Variants in MPRIP observed in about 807,000 individuals in gnomAD.
MPRIP encodes myosin phosphatase Rho interacting protein, also known as myosin phosphatase Rho-interacting protein.
Under a neutral mutation model 234.9 loss-of-function variants are expected in MPRIP, and 59 were observed. The observed-to-expected ratio is 0.25, with a 90% confidence interval of 0.20 to 0.31. The LOEUF (loss-of-function observed/expected upper bound fraction) is 0.31, where lower values mean the gene tolerates loss of function less well. MPRIP is among the 10% of genes least tolerant of loss of function. The pLI is 1.00. For synonymous variants in MPRIP, 1,144 were observed against 1,263.9 expected (o/e 0.91, Z 2.01); for missense variants, 2,436 against 3,071.0 (o/e 0.79, Z 4.89).
At chr17:17,118,797 T>C (rs1319800377) in intron 3 of MPRIP, among the ~76,000 whole-genome samples, 2 of 152,150 alleles carry the variant, frequency 1.3e-5, no homozygotes, top group Non-Finnish European at 2.9e-5. Context: ...CTTTCCAGTT[T>C]CCTCAGAGGA....
intron 22 of MPRIP, among the ~76,000 whole-genome samples, chr17:17,179,111 C>G (rs1007088960): frequency 1.3e-5 from 2 of 151,906 alleles, no homozygotes; most frequent in Middle Eastern, 3.4e-3. Context: ...GTCAGGAATT[C>G]GAGACCAGTC....
intron 3 of MPRIP, among the ~76,000 whole-genome samples, chr17:17,114,592 G>A (rs928173687): frequency 1.3e-5 from 2 of 152,232 alleles, no homozygotes; most frequent in African/African-American, 4.8e-5. Flanking sequence ...TGCATATGGT[G>A]TAGTGTCACC....
chr17:17,048,010 CCAGGGTGCT>C (rs2088410032), intron 1 of MPRIP, among the ~76,000 whole-genome samples: 1 of 152,088 alleles, frequency 6.6e-6, no homozygotes. Flanking sequence ...GGTCTGGAAC[CCAGGGTGCT>C]CAGCTTCTAC....
At chr17:17,093,083 G>T (rs754300016) in intron 3 of MPRIP, among the ~76,000 whole-genome samples, 1 of 152,218 alleles carries the variant, frequency 6.6e-6, no homozygotes, top group Non-Finnish European at 1.5e-5. Context: ...GGATAAACGG[G>T]TGGCAACGGC....
rs191642107 is a variant in MPRIP, at chr17:17,191,276, C to T, written c.*6382C>T. ...CAGACTTCTGCACAGTAATTTAACG[C>T]TATCCTAGGGAGACTTGGTTGAAGG... On this transcript the variant is annotated 3_prime_UTR_variant, in exon 24 of 24. Coordinates refer to ENST00000651222, the MANE Select transcript of MPRIP (RefSeq NM_001364716.4). 36 of 152,294 alleles carry T rather than the reference C, an allele frequency of 2.4e-4. No homozygotes were observed. Among genetic ancestry groups the T allele is most frequent in the African/African-American group, 8.4e-4 (35 of 41,556 alleles). 9.4% of individuals were successfully genotyped at this position (152,294 alleles called of 1,614,324 possible).
intron 20 of MPRIP, 66 bp downstream of exon 20, chr17:17,175,478 A>T: frequency 6.7e-7 from 1 of 1,482,138 alleles, no homozygotes; most frequent in Non-Finnish European, 9.0e-7. Context: ...GGAGTGCAGC[A>T]TGGCCCCTGT....
Position 17,171,765 on chromosome 17 carries a change from G to C in MPRIP, c.6372G>C (p.Lys2124Asn). The C allele has an allele frequency of 2.5e-6, 4 of 1,613,776 alleles. No individual in the cohort carries two copies. The highest frequency in any genetic ancestry group is 3.4e-6 in the Non-Finnish European group (4 of 1,180,048). The change falls in exon 17 of 24, where the codon AAG becomes AAC. Residue 2124 changes from lysine (K) to asparagine (N), a missense_variant. Lys to Asn is a moderately conservative substitution (Grantham distance 94, BLOSUM62 0). Around this residue, in one of 4 missense-constraint regions of MPRIP, gnomAD observed 1,998 missense variants for 2,520.3 expected, o/e 0.79. Coordinates refer to ENST00000651222, the MANE Select transcript of MPRIP (RefSeq NM_001364716.4). The part of the protein sequence containing the change: ...GFAAMEETHQ[K>N]KIEDLQRQHQ... The stretch of plus-strand genomic sequence containing the variant: ...CAGCAATGGAAGAAACGCACCAGAA[G>C]AAGATTGAAGATCTCCAGAGGCAGC...
chr17:17,078,106 C>A lies in MPRIP; in HGVS notation c.267+30C>A, dbSNP rs1260100146. On this transcript the variant is annotated intron_variant, in intron 3 of 23. Transcript: ENST00000651222. This position sits in a 1 kb window ranked among gnomAD's most constrained non-coding sequence, Gnocchi z 4.3. ...GTGTTATCCTTGCCCACTCCCTGTCCCCAGCCTTCACCAAGTCCCTCCATT... is the reference window on the plus strand; with the variant it reads ...GTGTTATCCTTGCCCACTCCCTGTCACCAGCCTTCACCAAGTCCCTCCATT... 2 of 1,611,702 alleles carry A rather than the reference C, an allele frequency of 1.2e-6. No homozygotes were observed. Among genetic ancestry groups the A allele is most frequent in the African/African-American group, 1.3e-5 (1 of 75,012 alleles).
intron 3 of MPRIP, among the ~76,000 whole-genome samples, chr17:17,114,561 G>A (rs992074787): frequency 6.6e-6 from 1 of 152,122 alleles, no homozygotes; most frequent in Non-Finnish European, 1.5e-5. Flanking sequence ...TGAGGTATCT[G>A]CTCCATTTCA....
intron 1 of MPRIP, among the ~76,000 whole-genome samples, chr17:17,043,587 C>G (rs2088250720): frequency 6.6e-6 from 1 of 152,178 alleles, no homozygotes; most frequent in Non-Finnish European, 1.5e-5. Context: ...ATTTCTGTCT[C>G]CCAGCCTTAA....
At chr17:17,045,088 C>T (rs897931377) in intron 1 of MPRIP, among the ~76,000 whole-genome samples, 20 of 152,302 alleles carry the variant, frequency 1.3e-4, no homozygotes, top group Non-Finnish European at 1.9e-4. Context: ...CCAATCGGTT[C>T]CCATCAGTCT....
chr17:17,155,068 G>C (rs1361827784), intron 13 of MPRIP, among the ~76,000 whole-genome samples: 1 of 152,184 alleles, frequency 6.6e-6, no homozygotes, highest in African/African-American at 2.4e-5. Context: ...CTGGTCCTTT[G>C]ATGGCCAGAA....
At chr17:17,168,982 G>A (rs1241968838) in intron 16 of MPRIP, 2 of 456,970 alleles carry the variant, frequency 4.4e-6, no homozygotes, top group East Asian at 1.4e-4. Flanking sequence ...AATGGAAACA[G>A]CAGCTCACAT....
chr17:17,044,815 T>C (rs890489948), intron 1 of MPRIP, among the ~76,000 whole-genome samples: 3 of 152,226 alleles, frequency 2.0e-5, no homozygotes, highest in African/African-American at 4.8e-5. Flanking sequence ...TCTCACTGTA[T>C]TCAAAGTTGA....
rs565054591 is a variant in MPRIP at position 17,176,511 on chromosome 17, G to A, written c.6956G>A (p.Arg2319Gln). Reference sequence around the variant, plus strand: ...AAGGATGAGCTGCAGACGGCACTGCGGGTAAGGCCACCGCACCACAGGAGG... The same window carrying A: ...AAGGATGAGCTGCAGACGGCACTGCAGGTAAGGCCACCGCACCACAGGAGG... ...SLKDELQTAL[R>Q]DKKYASDKYK... Residue 2319 changes from arginine (R) to glutamine (Q), a missense_variant and splice_region_variant, in exon 21 of 24, where the codon CGG (arginine) becomes CAG (glutamine). Physicochemically the swap from Arg to Gln is conservative, Grantham distance 43. This residue lies in a region of MPRIP where 1,998 missense variants were observed against 2,520.3 expected (regional missense o/e 0.79). Coordinates refer to ENST00000651222, the MANE Select transcript of MPRIP (RefSeq NM_001364716.4). The A allele has an allele frequency of 1.1e-5, 18 of 1,613,144 alleles. No homozygotes were observed. The highest frequency in any genetic ancestry group is 1.3e-5 in the African/African-American group (1 of 74,912).
chr17:17,180,909 T>C (rs1018117136), intron 23 of MPRIP, among the ~76,000 whole-genome samples: 2 of 152,234 alleles, frequency 1.3e-5, no homozygotes, highest in Non-Finnish European at 2.9e-5. Flanking sequence ...CCCATCAGCA[T>C]GCATGTTGGA....
chr17:17,179,121 C>T (rs2046319554), intron 22 of MPRIP, among the ~76,000 whole-genome samples: 1 of 152,144 alleles, frequency 6.6e-6, no homozygotes, highest in South Asian at 2.1e-4. Context: ...CGAGACCAGT[C>T]TGGCCAACAT....
At chr17:17,086,242 C>T (rs192835232) in intron 3 of MPRIP, among the ~76,000 whole-genome samples, 6 of 152,126 alleles carry the variant, frequency 3.9e-5, no homozygotes, top group East Asian at 1.9e-4. Context: ...GGCATGGCCA[C>T]GAGATTCCAG....
At chr17:17,149,455 T>C (rs2045549325) in intron 11 of MPRIP, among the ~76,000 whole-genome samples, 2 of 150,926 alleles carry the variant, frequency 1.3e-5, no homozygotes, top group Non-Finnish European at 2.9e-5. Context: ...ATCGTGTCAC[T>C]GCACTTCAGC....
Sources: gnomAD v4.1 joint callset for allele counts (sites outside exome capture counted in the v4.1 genomes callset) on GRCh38, gnomAD v4.1.1 for gene constraint, gnomAD v4.1.1 regional missense constraint, Gnocchi (gnomAD v3.1) non-coding constraint, MANE v1.5 for transcripts, NCBI Gene and HGNC (gene_info 2026-07-23, HGNC 2026-07-21) for gene names.